The following GBF1 variants were observed in gnomAD, a reference collection of about 807,000 sequenced individuals.
GBF1 encodes golgi brefeldin A resistant guanine nucleotide exchange factor 1, also known as Golgi-specific brefeldin A-resistance guanine nucleotide exchange factor 1.
GBF1 carries 114 observed loss-of-function variants against 210.5 expected under a neutral mutation model. The observed-to-expected ratio is 0.54, with a 90% confidence interval of 0.47 to 0.63. The LOEUF is 0.63. GBF1 is among the 30% of genes least tolerant of loss of function. The pLI, the probability that GBF1 is intolerant of heterozygous loss-of-function variation, is 0.00. For missense variants in GBF1, 1,851 were observed against 2,357.7 expected, an observed-to-expected ratio of 0.79 and a Z score of 4.45; for synonymous variants, 850 against 889.2, an observed-to-expected ratio of 0.96 and a Z score of 0.78.
intron 1 of GBF1, among the ~76,000 whole-genome samples, chr10:102,253,688 A>T (rs887146850): frequency 4.6e-5 from 7 of 151,942 alleles, no homozygotes; most frequent in African/African-American, 1.7e-4. Context: ...TAATTTTTAA[A>T]TTTTTTGTAG....
intron 3 of GBF1, among the ~76,000 whole-genome samples, chr10:102,333,472 T>TG (rs1565121518): frequency 1.3e-5 from 2 of 152,098 alleles, no homozygotes; most frequent in Non-Finnish European, 1.5e-5. Context: ...ACCCCTCTTT[T>TG]TTTTTTTTTT....
intron 3 of GBF1, among the ~76,000 whole-genome samples, chr10:102,283,610 G>C (rs927574251): frequency 2.2e-4 from 34 of 152,178 alleles, no homozygotes; most frequent in African/African-American, 8.0e-4. Context: ...CTAGAGGATA[G>C]ACCTCATACT....
chr10:102,286,186 G>C (rs972618337), intron 3 of GBF1, among the ~76,000 whole-genome samples: 23 of 138,026 alleles, frequency 1.7e-4, no homozygotes, highest in Non-Finnish European at 3.1e-4. Context: ...GGATGTAAAA[G>C]CATAAGGGTT....
At chr10:102,373,158 GT>G (rs2060304041) in intron 29 of GBF1, among the ~76,000 whole-genome samples, 1 of 152,194 alleles carries the variant, frequency 6.6e-6, no homozygotes, top group South Asian at 2.1e-4. Flanking sequence ...AAACACAACA[GT>G]GATAAAACAA....
chr10:102,266,224 G>A (rs1042076219), intron 3 of GBF1, among the ~76,000 whole-genome samples: 1 of 151,986 alleles, frequency 6.6e-6, no homozygotes, highest in Non-Finnish European at 1.5e-5. Context: ...GGGTGACAGA[G>A]CGATACTCTG....
intron 8 of GBF1, among the ~76,000 whole-genome samples, chr10:102,357,630 G>A (rs993776734): frequency 6.6e-5 from 10 of 152,146 alleles, no homozygotes; most frequent in Admixed American, 1.3e-4. Flanking sequence ...GAGGAAAGCC[G>A]AGAGACCATG....
rs1425929394 is a variant in GBF1 at position 102,379,574 on chromosome 10, AC to A, written c.4701del (p.Tyr1568IlefsTer14). 1.9e-6 allele frequency: 3 copies of A among 1,613,788 alleles called. No individual in the cohort carries two copies. Among genetic ancestry groups the A allele is most frequent in the Non-Finnish European group, 2.5e-6 (3 of 1,179,900 alleles). ...GCGCCAGGTACGGATGCAGGCACTG[AC>A]CTATCTGCAGCGAGCACTACTTGTA... ...ARRQVRMQALTYLQRALLVHD... is the reference protein window; with the variant it reads ...ARRQVRMQALXYLQRALLVHD... On this transcript the variant is annotated frameshift_variant, in exon 35 of 40. Transcript: ENST00000369983. LOFTEE classifies it high-confidence loss of function.
At chr10:102,374,121 T>C (rs1032165117) in intron 29 of GBF1, among the ~76,000 whole-genome samples, 3 of 152,090 alleles carry the variant, frequency 2.0e-5, no homozygotes, top group East Asian at 1.9e-4. Flanking sequence ...AAACTGAGGC[T>C]GGTGAATCAC....
In GBF1 at chr10:102,303,589, T is replaced by C. The variant is rs549979246; in HGVS notation, c.164-40462T>C. Among the ~76,000 whole-genome samples the C allele has an allele frequency of 3.9e-5, 6 of 152,284 alleles. No homozygotes were observed. The South Asian group carries it at 1.2e-3, about 32-fold the overall frequency. On this transcript the variant is annotated intron_variant, in intron 3 of 39. Transcript: ENST00000369983. Reference sequence around the variant, plus strand: ...CCATATGAATACTGCTACACCTGAGTGAGAACAGGTTAAGGATTACAGTGT... The same window carrying C: ...CCATATGAATACTGCTACACCTGAGCGAGAACAGGTTAAGGATTACAGTGT...
intron 3 of GBF1, among the ~76,000 whole-genome samples, chr10:102,329,301 G>T (rs1033267831): frequency 6.6e-6 from 1 of 152,134 alleles, no homozygotes; most frequent in African/African-American, 2.4e-5. Context: ...TGTTAAAGGG[G>T]CCTCACTCTC....
rs1269536639 is a variant in GBF1, at chr10:102,245,757, C to G, written c.-35C>G. 1 of 152,206 alleles carries G rather than the reference C, an allele frequency of 6.6e-6. No individual in the cohort carries two copies. The highest frequency in any genetic ancestry group is 1.5e-5 in the Non-Finnish European group (1 of 68,046). The allele number at this position is 152,206 out of a possible 1,614,324, so 9.4% of individuals were successfully genotyped here. A position where few individuals can be genotyped will look rare whatever the true frequency, so the allele number is the denominator to read the frequency against. On this transcript the variant is annotated 5_prime_UTR_variant, in exon 1 of 40. Coordinates refer to ENST00000369983, the MANE Select transcript of GBF1 (RefSeq NM_001377137.1). ...GCGGCTGCCGGTCCTGGGACTAGGCCCCGCCATTTTGGATCCGCTGACAGG... is the reference window on the plus strand; with the variant it reads ...GCGGCTGCCGGTCCTGGGACTAGGCGCCGCCATTTTGGATCCGCTGACAGG...
intron 3 of GBF1, among the ~76,000 whole-genome samples, chr10:102,273,414 A>G (rs545639100): frequency 1.3e-5 from 2 of 152,368 alleles, no homozygotes; most frequent in South Asian, 4.1e-4. Flanking sequence ...TGTTTTTCGC[A>G]ACTTGTTTTA....
rs146724360 is a variant in GBF1, at chr10:102,267,241, A to G, written c.163+7125A>G. Among the ~76,000 whole-genome samples the G allele has an allele frequency of 1.8e-3, 274 of 152,304 alleles. 1 individual carries two copies. Among genetic ancestry groups the G allele is most frequent in the African/African-American group, 5.9e-3 (247 of 41,570 alleles). ...TTATATGTGCCAGGCATGGTGGCTC[A>G]CACCTGTAATCCCAGCACTTTGGGA... is the stretch of plus-strand genomic sequence containing the variant. On this transcript the variant is annotated intron_variant, in intron 3 of 39. Coordinates refer to ENST00000369983, the MANE Select transcript of GBF1 (RefSeq NM_001377137.1).
At chr10:102,365,284 A>T in intron 17 of GBF1, 113 bp from the exon 18 acceptor site, 2 of 725,198 alleles carry the variant, frequency 2.8e-6, no homozygotes, top group Admixed American at 4.5e-5. Context: ...TAAGAACCAC[A>T]TCCTAGGAGC....
the GBF1 span, among the ~76,000 whole-genome samples, chr10:102,239,214 C>G: frequency 6.6e-6 from 1 of 152,210 alleles, no homozygotes; most frequent in African/African-American, 2.4e-5. Flanking sequence ...TTCCTAAGAG[C>G]CAGTGACCAG....
chr10:102,300,800 TAA>T (rs1357754048), intron 3 of GBF1, among the ~76,000 whole-genome samples: 2 of 152,310 alleles, frequency 1.3e-5, no homozygotes, highest in Non-Finnish European at 2.9e-5. Context: ...CATATGTGAC[TAA>T]GTTATTGATT....
chr10:102,378,195 G>A (rs1474767320), intron 33 of GBF1, among the ~76,000 whole-genome samples: 2 of 150,280 alleles, frequency 1.3e-5, no homozygotes, highest in African/African-American at 4.9e-5. Context: ...TCCAGCCTGG[G>A]CGACAGAGCA....
At chr10:102,252,175 A>G (rs2071623744) in intron 1 of GBF1, among the ~76,000 whole-genome samples, 1 of 151,982 alleles carries the variant, frequency 6.6e-6, no homozygotes. Context: ...CCTCATCTCT[A>G]CTAAAAATAC....
chr10:102,319,050 G>A (rs2056128647), intron 3 of GBF1, among the ~76,000 whole-genome samples: 1 of 152,158 alleles, frequency 6.6e-6, no homozygotes, highest in African/African-American at 2.4e-5. Flanking sequence ...GGGCGCAGTG[G>A]CTCATGCCTG....
Sources: gnomAD v4.1 joint callset for allele counts (sites outside exome capture counted in the v4.1 genomes callset) on GRCh38, gnomAD v4.1.1 for gene constraint, MANE v1.5 for transcripts, NCBI Gene and HGNC (gene_info 2026-07-23, HGNC 2026-07-21) for gene names.